Variants in PCDHA2 observed in about 807,000 individuals in gnomAD.
PCDHA2 encodes the protein protocadherin alpha 2, also known as protocadherin alpha-2.
PCDHA2 carries 58 observed loss-of-function variants against 66.0 expected under a neutral mutation model. The ratio of observed to expected loss-of-function variants is 0.88; its 90% CI spans 0.71 to 1.09. PCDHA2 has a LOEUF of 1.09. Among genes scored for constraint, PCDHA2 ranks in the 50% least tolerant of loss-of-function variants. PCDHA2 has a pLI of 0.00. For missense variants in PCDHA2, 1,267 were observed against 1,242.3 expected (o/e 1.02, Z -0.30); for synonymous variants, 634 against 554.0 (o/e 1.14, Z -2.03).
At chr5:140,967,428 C>T (rs782709354) in intron 1 of PCDHA2, 2 of 1,613,402 alleles carry the variant, frequency 1.2e-6, no homozygotes, top group East Asian at 4.5e-5. Context: ...GAGCAGGCAG[C>T]CTTGCACCAC....
intron 1 of PCDHA2, chr5:140,804,072 G>T: frequency 6.2e-6 from 1 of 160,592 alleles, no homozygotes. Flanking sequence ...TCCACCTTCA[G>T]TTTCAAAAAT....
At chr5:140,847,063 C>T (rs1366357065) in intron 1 of PCDHA2, among the ~76,000 whole-genome samples, 2 of 149,510 alleles carry the variant, frequency 1.3e-5, no homozygotes, top group Non-Finnish European at 3.0e-5. Flanking sequence ...CAGAAAGCAT[C>T]AATATGACAA....
chr5:140,958,468 G>T (rs1554223482), intron 1 of PCDHA2, among the ~76,000 whole-genome samples: 6 of 152,040 alleles, frequency 3.9e-5, no homozygotes, highest in Non-Finnish European at 8.8e-5. Flanking sequence ...ACTTCTGCTG[G>T]CTTAAAGAGC....
At chr5:140,881,340 C>T (rs782406068) in intron 1 of PCDHA2, 10 of 984,934 alleles carry the variant, frequency 1.0e-5, no homozygotes, top group African/African-American at 5.2e-5. Context: ...GACGCCGATT[C>T]GGGCTACAAT....
At chr5:141,008,206 G>A (rs979113429) in intron 3 of PCDHA2, among the ~76,000 whole-genome samples, 1 of 152,184 alleles carries the variant, frequency 6.6e-6, no homozygotes, top group African/African-American at 2.4e-5. Flanking sequence ...TAATGAACTT[G>A]ACATGAGTTA....
At chr5:140,845,692 G>A (rs1440776749) in intron 1 of PCDHA2, among the ~76,000 whole-genome samples, 1 of 149,364 alleles carries the variant, frequency 6.7e-6, no homozygotes, top group Non-Finnish European at 1.5e-5. Flanking sequence ...TTGTTATTCA[G>A]TTCCTTGGCA....
intron 1 of PCDHA2, chr5:140,877,832 C>T (rs782156769): frequency 1.9e-6 from 3 of 1,591,692 alleles, no homozygotes; most frequent in African/African-American, 2.7e-5. Flanking sequence ...TTAAATCCTC[C>T]CAGTGAAGTA....
At chr5:140,961,981 T>G (rs1408145304) in intron 1 of PCDHA2, among the ~76,000 whole-genome samples, 1 of 152,076 alleles carries the variant, frequency 6.6e-6, no homozygotes, top group African/African-American at 2.4e-5. Context: ...CCTCCTGGGT[T>G]CACGCCATTG....
intron 1 of PCDHA2, among the ~76,000 whole-genome samples, chr5:140,890,607 T>A (rs2062708566): frequency 6.6e-6 from 1 of 152,184 alleles, no homozygotes; most frequent in Non-Finnish European, 1.5e-5. Context: ...GAATAGCTAG[T>A]GCTTACCCTA....
At chr5:140,926,183 C>A (rs1287609954) in intron 1 of PCDHA2, among the ~76,000 whole-genome samples, 2 of 151,712 alleles carry the variant, frequency 1.3e-5, no homozygotes, top group African/African-American at 4.8e-5. Context: ...GGAAAGCCCC[C>A]CGCAGCACTT....
chr5:140,867,125 A>G (rs781885950), intron 1 of PCDHA2: 1 of 152,144 alleles, frequency 6.6e-6, no homozygotes, highest in Non-Finnish European at 1.5e-5. Flanking sequence ...TTTTAATTCA[A>G]ATATGTGATA....
intron 1 of PCDHA2, chr5:140,882,874 A>G (rs376046205): frequency 1.9e-6 from 3 of 1,614,108 alleles, no homozygotes; most frequent in Non-Finnish European, 2.5e-6. Context: ...CACTGGACAG[A>G]GAGGAAATTC....
At chr5:141,002,331 C>T (rs550513057) in intron 3 of PCDHA2, among the ~76,000 whole-genome samples, 1 of 152,372 alleles carries the variant, frequency 6.6e-6, no homozygotes, top group South Asian at 2.1e-4. Context: ...CGGGCTGCAT[C>T]CGCACCCCTT....
intron 1 of PCDHA2, chr5:140,860,659 T>C (rs1310065546): frequency 1.3e-5 from 2 of 152,224 alleles, no homozygotes; most frequent in Non-Finnish European, 2.9e-5. Context: ...AGTGAAATAA[T>C]ATGAAATCAA....
chr5:140,961,510 T>C (rs1201672141), intron 1 of PCDHA2, among the ~76,000 whole-genome samples: 1 of 152,246 alleles, frequency 6.6e-6, no homozygotes, highest in Non-Finnish European at 1.5e-5. Context: ...CTTTGTTTAA[T>C]GTCTCCACAA....
In PCDHA2 at chr5:140,807,552, A is replaced by G. The variant is rs1310483262; in HGVS notation, c.2388+10200A>G. On this transcript the variant is annotated intron_variant, in intron 1 of 3. Coordinates refer to ENST00000526136, the MANE Select transcript of PCDHA2 (RefSeq NM_018905.3). ...CTGCAGGTTTTCCATGTGGACGTGG[A>G]GGTGAGGGACATTAACGATAACCCG... is the stretch of plus-strand genomic sequence containing the variant. 2 of 1,613,986 alleles carry G rather than the reference A, an allele frequency of 1.2e-6. No homozygotes were observed. The highest frequency in any genetic ancestry group is 1.7e-6 in the Non-Finnish European group (2 of 1,180,018).
chr5:140,807,407 C>T lies in PCDHA2; in HGVS notation c.2388+10055C>T, dbSNP rs1554123978. 2.6e-6 allele frequency: 4 copies of T among 1,556,782 alleles called. 1 individual carries two copies. The highest frequency in any genetic ancestry group is 3.5e-6 in the Non-Finnish European group (4 of 1,143,142). On this transcript the variant is annotated intron_variant, in intron 1 of 3. Coordinates refer to ENST00000526136, the MANE Select transcript of PCDHA2 (RefSeq NM_018905.3). ...GGTGGCGTCCAAGGGCCGCGGAGGC[C>T]TTCTGGAGGTAAATCTGCAGAATGG...
intron 1 of PCDHA2, among the ~76,000 whole-genome samples, chr5:140,838,365 C>T (rs1775701079): frequency 6.7e-6 from 1 of 149,948 alleles, no homozygotes; most frequent in African/African-American, 2.5e-5. Context: ...CTCAAGTGAT[C>T]TGACTGCCTC....
intron 1 of PCDHA2, among the ~76,000 whole-genome samples, chr5:140,941,551 G>A (rs1247023682): frequency 4.0e-5 from 6 of 151,616 alleles, no homozygotes; most frequent in Non-Finnish European, 8.8e-5. Flanking sequence ...TCCTGACCTC[G>A]TGATCCATTC....
Sources: allele counts gnomAD v4.1 joint callset (sites outside exome capture counted in the v4.1 genomes callset), GRCh38; gene constraint gnomAD v4.1.1; transcripts MANE v1.5; gene names NCBI Gene and HGNC (gene_info 2026-07-23, HGNC 2026-07-21).